The following MPP7 variants were observed in gnomAD, a reference collection of about 807,000 sequenced individuals.
MPP7 encodes MAGUK p55 scaffold protein 7, also known as MAGUK p55 subfamily member 7.
In MPP7, 60 loss-of-function variants were observed where a neutral mutation model predicts 76.5. The observed-to-expected ratio is 0.78, with a 90% confidence interval of 0.64 to 0.97. The LOEUF (loss-of-function observed/expected upper bound fraction) is 0.97, where lower values mean the gene tolerates loss of function less well. Among genes scored for constraint, MPP7 ranks in the 50% least tolerant of loss-of-function variants. MPP7 has a pLI of 0.00. For missense variants in MPP7, 641 were observed against 694.0 expected (o/e 0.92, Z 0.86); for synonymous variants, 237 against 244.5 (o/e 0.97, Z 0.29).
chr10:28,294,282 G>T (rs902379315), intron 1 of MPP7, among the ~76,000 whole-genome samples: 1 of 152,190 alleles, frequency 6.6e-6, no homozygotes, highest in African/African-American at 2.4e-5. Context: ...ACTCCAGCCT[G>T]GGGGACAGAG....
At chr10:28,270,059 G>A (rs1451253380) in intron 1 of MPP7, among the ~76,000 whole-genome samples, 1 of 152,174 alleles carries the variant, frequency 6.6e-6, no homozygotes, top group African/African-American at 2.4e-5. Context: ...CAAACCACAG[G>A]ATTCCCAAGA....
At chr10:28,096,997 TTTAC>T (rs60336147) in intron 11 of MPP7, among the ~76,000 whole-genome samples, 12,452 of 152,152 alleles carry the variant, frequency 0.082, 668 homozygotes, top group East Asian at 0.26. Flanking sequence ...TTTTTATTTA[TTTAC>T]TATTTTGAGA....
At chr10:28,252,460 C>T (rs1839644752) in intron 1 of MPP7, among the ~76,000 whole-genome samples, 1 of 152,314 alleles carries the variant, frequency 6.6e-6, no homozygotes, top group Admixed American at 6.5e-5. Context: ...CACCACAGTA[C>T]ATAGGCATTT....
chr10:28,170,931 G>A (rs181298429), intron 3 of MPP7, among the ~76,000 whole-genome samples: 7 of 152,220 alleles, frequency 4.6e-5, no homozygotes, highest in Non-Finnish European at 8.8e-5. Context: ...AGATAACAGT[G>A]ATAGAATAAC....
intron 11 of MPP7, chr10:28,118,870 T>C (rs1415606379): frequency 1.0e-6 from 1 of 985,390 alleles, no homozygotes; most frequent in South Asian, 4.7e-5. Flanking sequence ...TGGTGTAAAA[T>C]TCCAGGGCCA....
At chr10:28,160,221 C>T (rs1658821930) in intron 3 of MPP7, among the ~76,000 whole-genome samples, 3 of 152,164 alleles carry the variant, frequency 2.0e-5, no homozygotes, top group African/African-American at 7.2e-5. Context: ...CACAATCCTA[C>T]AGCTACTTGT....
chr10:28,198,841 C>T (rs11006915), intron 3 of MPP7, among the ~76,000 whole-genome samples: 45,765 of 151,952 alleles, frequency 0.3, 8,401 homozygotes, highest in African/African-American at 0.49. Flanking sequence ...GCAGCTCTAC[C>T]CTTGCTGATG....
intron 6 of MPP7, among the ~76,000 whole-genome samples, chr10:28,125,801 G>A (rs1040818051): frequency 6.6e-6 from 1 of 152,074 alleles, no homozygotes; most frequent in African/African-American, 2.4e-5. Context: ...TTAGGAAACA[G>A]TCTCAAAAAG....
chr10:28,334,596 G>A (rs2133195976), upstream of MPP7: 1 of 152,300 alleles, frequency 6.6e-6, no homozygotes, highest in Middle Eastern at 3.4e-3. Context: ...GTGTGCCCTA[G>A]TAGAGATACA....
At chr10:28,240,282 C>G (rs1009910920) in intron 1 of MPP7, among the ~76,000 whole-genome samples, 2 of 152,056 alleles carry the variant, frequency 1.3e-5, no homozygotes, top group South Asian at 2.1e-4. Flanking sequence ...ATTCTGAAAG[C>G]CTTTAAGTTG....
chr10:28,120,469 CCAAA>C (rs781528467), intron 9 of MPP7, 79 bp from the exon 10 acceptor site: 86 of 1,484,096 alleles, frequency 5.8e-5, no homozygotes, highest in Non-Finnish European at 7.7e-5. Flanking sequence ...AACTCCGACT[CCAAA>C]CATAGTAATT....
chr10:28,147,269 TTC>T (rs1835739099), intron 5 of MPP7, among the ~76,000 whole-genome samples: 1 of 152,226 alleles, frequency 6.6e-6, no homozygotes, highest in Non-Finnish European at 1.5e-5. Flanking sequence ...AGAACTTAAA[TTC>T]TGAGCTTCCC....
chr10:28,231,705 T>C (rs1838889930), intron 2 of MPP7, among the ~76,000 whole-genome samples: 1 of 152,180 alleles, frequency 6.6e-6, no homozygotes, highest in Admixed American at 6.5e-5. Flanking sequence ...AGCTAGAATA[T>C]TCTTTTAACC....
chr10:28,181,983 A>G (rs1393374741), intron 3 of MPP7, among the ~76,000 whole-genome samples: 1 of 152,228 alleles, frequency 6.6e-6, no homozygotes. Context: ...TGAGTCTGTG[A>G]AGATGCCTTT....
intron 5 of MPP7, among the ~76,000 whole-genome samples, chr10:28,136,703 T>C (rs367814357): frequency 5.3e-5 from 8 of 152,004 alleles, no homozygotes; most frequent in African/African-American, 1.9e-4. Context: ...ATGGAAAGTA[T>C]GAAATAAGAA....
At chr10:28,296,940 A>G (rs1841049852) in intron 1 of MPP7, among the ~76,000 whole-genome samples, 1 of 152,238 alleles carries the variant, frequency 6.6e-6, no homozygotes, top group African/African-American at 2.4e-5. Flanking sequence ...CGCAGTTTAC[A>G]TAAAATTTAA....
chr10:28,235,329 TAACAGGGGA>T (rs1165124934), intron 2 of MPP7, among the ~76,000 whole-genome samples: 1 of 149,604 alleles, frequency 6.7e-6, no homozygotes, highest in Non-Finnish European at 1.5e-5. Context: ...AAGATGCTAA[TAACAGGGGA>T]AACTAAGGCA....
intron 1 of MPP7, among the ~76,000 whole-genome samples, chr10:28,268,450 G>A (rs188036747): frequency 1.3e-5 from 2 of 151,918 alleles, no homozygotes; most frequent in Non-Finnish European, 2.9e-5. Context: ...GACAATTAGG[G>A]GCCAGGCGCG....
At chr10:28,116,485 T>C (rs1162267636) in intron 11 of MPP7, among the ~76,000 whole-genome samples, 2 of 152,152 alleles carry the variant, frequency 1.3e-5, no homozygotes, top group Non-Finnish European at 2.9e-5. Context: ...ACATCTTGTA[T>C]ATAATAATCT....
Sources: gnomAD v4.1 joint callset for allele counts (sites outside exome capture counted in the v4.1 genomes callset) on GRCh38, gnomAD v4.1.1 for gene constraint, MANE v1.5 for transcripts, NCBI Gene and HGNC (gene_info 2026-07-23, HGNC 2026-07-21) for gene names.